Variants in CSMD1 observed in about 807,000 individuals in gnomAD.
The protein encoded by CSMD1 is CUB and Sushi multiple domains 1.
CSMD1 carries 213 observed loss-of-function variants against 417.5 expected under a neutral mutation model. The ratio of observed to expected loss-of-function variants is 0.51; its 90% CI spans 0.46 to 0.57. The LOEUF (loss-of-function observed/expected upper bound fraction) is 0.57, where lower values mean the gene tolerates loss of function less well. Ranked by LOEUF, CSMD1 falls within the 20% of genes least tolerant of loss-of-function variation. The probability of loss-of-function intolerance (pLI) is 0.00; values close to 1 mark genes in which losing one functional copy is unlikely to be tolerated. For missense variants in CSMD1, 6,923 were observed against 4,529.7 expected (o/e 1.53, Z -15.17); for synonymous variants, 2,862 against 1,736.8 (o/e 1.65, Z -16.11).
chr8:4,365,145 A>G (rs1204919345), intron 3 of CSMD1, among the ~76,000 whole-genome samples: 2 of 152,194 alleles, frequency 1.3e-5, no homozygotes, highest in Non-Finnish European at 2.9e-5. Context: ...AATATACAGC[A>G]TATCATATTT....
At chr8:4,275,730 T>C (rs995750223) in intron 3 of CSMD1, among the ~76,000 whole-genome samples, 13 of 152,212 alleles carry the variant, frequency 8.5e-5, no homozygotes, top group African/African-American at 2.9e-4. Flanking sequence ...ACAATGAGTA[T>C]AACTTTACAC....
At chr8:3,576,433 C>T (rs13271481) in intron 9 of CSMD1, among the ~76,000 whole-genome samples, 64,360 of 151,934 alleles carry the variant, frequency 0.42, 14,144 homozygotes, top group Middle Eastern at 0.51. Flanking sequence ...TTACCTGTCC[C>T]TCCTCAGCAC....
intron 22 of CSMD1, among the ~76,000 whole-genome samples, chr8:3,344,039 A>C (rs13282398): frequency 0.12 from 18,513 of 152,160 alleles, 1,625 homozygotes; most frequent in African/African-American, 0.25. Flanking sequence ...TGTTGCTTAA[A>C]ATGCTCTGTA....
intron 10 of CSMD1, among the ~76,000 whole-genome samples, chr8:3,547,343 T>A (rs139669080): frequency 6.6e-6 from 1 of 152,178 alleles, no homozygotes; most frequent in Non-Finnish European, 1.5e-5. Flanking sequence ...AATGTAAAAT[T>A]TGTACGGTCG....
chr8:3,164,784 AT>A (rs1363767782), intron 37 of CSMD1, among the ~76,000 whole-genome samples: 1 of 152,202 alleles, frequency 6.6e-6, no homozygotes, highest in Non-Finnish European at 1.5e-5. Context: ...AAGACAAAAT[AT>A]TTTGAAATGA....
chr8:3,175,396 T>A (rs1054318814), intron 37 of CSMD1, among the ~76,000 whole-genome samples: 2 of 152,106 alleles, frequency 1.3e-5, no homozygotes, highest in African/African-American at 4.8e-5. Context: ...TCTATCAGGA[T>A]TTTCTACTTC....
intron 40 of CSMD1, among the ~76,000 whole-genome samples, chr8:3,144,915 C>G (rs937736364): frequency 8.6e-5 from 13 of 151,988 alleles, no homozygotes; most frequent in Admixed American, 4.6e-4. Flanking sequence ...CCTGGACTGC[C>G]CAGCCAGTGG....
chr8:4,281,300 A>T (rs974108112), intron 3 of CSMD1, among the ~76,000 whole-genome samples: 3 of 152,212 alleles, frequency 2.0e-5, no homozygotes, highest in African/African-American at 7.2e-5. Flanking sequence ...AGAGATATGA[A>T]AACCTGATAG....
intron 54 of CSMD1, among the ~76,000 whole-genome samples, chr8:2,986,952 G>T (rs147963768): frequency 6.6e-6 from 1 of 151,976 alleles, no homozygotes; most frequent in African/African-American, 2.4e-5. Flanking sequence ...ATAACACAAG[G>T]AAGTGGCATA....
At chr8:3,318,456 T>G (rs1445689039) in intron 23 of CSMD1, among the ~76,000 whole-genome samples, 1 of 152,188 alleles carries the variant, frequency 6.6e-6, no homozygotes, top group Non-Finnish European at 1.5e-5. Context: ...CTGACCTCAG[T>G]CCTTGCTCAC....
At chr8:4,455,047 C>G (rs528373138) in intron 2 of CSMD1, among the ~76,000 whole-genome samples, 1 of 152,110 alleles carries the variant, frequency 6.6e-6, no homozygotes. Context: ...AACACAATAT[C>G]ACCATGTTTA....
chr8:3,948,621 T>C (rs770818413), intron 5 of CSMD1, among the ~76,000 whole-genome samples: 1 of 152,188 alleles, frequency 6.6e-6, no homozygotes, highest in Non-Finnish European at 1.5e-5. Flanking sequence ...TTCCACATAC[T>C]TACTGCTTTC....
Position 3,468,789 on chromosome 8 carries a change from C to G in CSMD1, c.1484G>C (p.Ser495Thr). ...TGSSVPDLIV[S>T]MSNQMWLHLQ... The stretch of plus-strand genomic sequence containing the variant: ...ATGTAGCCACATCTGGTTGCTCATG[C>G]TCACAATGAGGTCAGGAACACTGGA... The change falls in exon 12 of 70, where the codon AGC (serine) becomes ACC (threonine). Residue 495 changes from serine to threonine, a missense_variant. Ser to Thr is a moderately conservative substitution (Grantham distance 58, BLOSUM62 1). Transcript: ENST00000635120. 6.2e-7 allele frequency: 1 copy of G among 1,604,136 alleles called. No homozygotes were observed. The highest frequency in any genetic ancestry group is 1.3e-5 in the African/African-American group (1 of 74,922).
rs573071007 is a variant in CSMD1 at position 3,197,189 on chromosome 8, G to C, written c.5194+2525C>G. Among the ~76,000 whole-genome samples the C allele has an allele frequency of 3.9e-5, 6 of 152,258 alleles. No homozygotes were observed. The East Asian group carries it at 7.8e-4, about 20-fold the overall frequency. ...CATTACTAACCAGGATGACATGGAGGGTGGGAAGCAGAAGGCTAGAGACCA... is the reference window on the plus strand; with the variant it reads ...CATTACTAACCAGGATGACATGGAGCGTGGGAAGCAGAAGGCTAGAGACCA... On this transcript the variant is annotated intron_variant, in intron 33 of 69. Transcript: ENST00000635120.
intron 1 of CSMD1, among the ~76,000 whole-genome samples, chr8:4,915,632 C>A (rs905516248): frequency 6.6e-6 from 1 of 152,196 alleles, no homozygotes; most frequent in Non-Finnish European, 1.5e-5. Context: ...CTAGCAGTTC[C>A]CAACCTTCAC....
rs543751654 is a variant in CSMD1 at position 4,366,489 on chromosome 8, T to C, written c.415+53464A>G. ...AAATAGTAGTCCTGTTTTAAGTTCTTCGATAAAACTCCACAGTTTTCCACA... is the reference window on the plus strand; with the variant it reads ...AAATAGTAGTCCTGTTTTAAGTTCTCCGATAAAACTCCACAGTTTTCCACA... On this transcript the variant is annotated intron_variant, in intron 3 of 69. Coordinates refer to ENST00000635120, the MANE Select transcript of CSMD1 (RefSeq NM_033225.6). 2.0e-4 allele frequency among the ~76,000 whole-genome samples: 31 copies of C among 152,334 alleles called. 1 individual carries two copies. The highest frequency in any genetic ancestry group is 1.9e-3 in the Admixed American group (29 of 15,304).
chr8:2,998,020 T>C lies in CSMD1; in HGVS notation c.8368A>G (p.Thr2790Ala). Residue 2790 changes from threonine to alanine, a missense_variant, in exon 54 of 70, where the codon ACG (threonine) becomes GCG (alanine). Thr to Ala is a moderately conservative substitution (Grantham distance 58, BLOSUM62 0). Coordinates refer to ENST00000635120, the MANE Select transcript of CSMD1 (RefSeq NM_033225.6). ...TGGATGCTGTTCCTACCTCGACACG[T>C]GGGCAGAGGGCTACTCCACTGGCCG... Reference protein sequence around the residue: ...SNGQWSSPLPTCRVVNCSDPG... With the variant: ...SNGQWSSPLPACRVVNCSDPG... The C allele has an allele frequency of 6.2e-6, 10 of 1,613,736 alleles. No homozygotes were observed. The highest frequency in any genetic ancestry group is 8.5e-6 in the Non-Finnish European group (10 of 1,179,748).
chr8:3,392,287 A>C (rs1811398138), intron 17 of CSMD1, among the ~76,000 whole-genome samples: 1 of 151,958 alleles, frequency 6.6e-6, no homozygotes, highest in South Asian at 2.1e-4. Context: ...ATTGGATGAC[A>C]TTTTCACTTG....
intron 5 of CSMD1, among the ~76,000 whole-genome samples, chr8:3,879,487 A>G (rs1806060777): frequency 6.6e-6 from 1 of 152,120 alleles, no homozygotes; most frequent in Non-Finnish European, 1.5e-5. Context: ...TAGAAATGGG[A>G]CAGAGACCAA....
Sources: allele counts gnomAD v4.1 joint callset (sites outside exome capture counted in the v4.1 genomes callset), GRCh38; gene constraint gnomAD v4.1.1; transcripts MANE v1.5; gene names NCBI Gene and HGNC (gene_info 2026-07-23, HGNC 2026-07-21).